The following PTPRM variants were observed in gnomAD, a reference collection of about 807,000 sequenced individuals.
The protein encoded by PTPRM is receptor-type tyrosine-protein phosphatase mu.
A neutral mutation model predicts 186.7 loss-of-function variants in PTPRM; 47 were observed. That is an observed-to-expected ratio of 0.25 (90% CI 0.20 to 0.32). The LOEUF is 0.32. Among genes scored for constraint, PTPRM ranks in the 10% least tolerant of loss-of-function variants. The probability of loss-of-function intolerance (pLI) is 1.00; values close to 1 mark genes in which losing one functional copy is unlikely to be tolerated. For missense variants in PTPRM, 1,494 were observed against 1,865.0 expected, an observed-to-expected ratio of 0.80 and a Z score of 3.66; for synonymous variants, 668 against 674.9, an observed-to-expected ratio of 0.99 and a Z score of 0.16.
chr18:7,911,846 A>ATTTTTTTTTTTTTTTTTTTT (rs57590269), intron 4 of PTPRM, among the ~76,000 whole-genome samples: 1 of 80,680 alleles, frequency 1.2e-5, no homozygotes, highest in East Asian at 5.0e-4. Flanking sequence ...TATGGTTTCA[A>ATTTTTTTTTTTTTTTTTTTT]TTTTTTTTTT....
At chr18:8,317,196 G>T (rs776638788) in intron 21 of PTPRM, among the ~76,000 whole-genome samples, 21 of 152,306 alleles carry the variant, frequency 1.4e-4, no homozygotes, top group Admixed American at 3.3e-4. Flanking sequence ...GGAATCATCA[G>T]AGAGGTGGCA....
chr18:7,788,738 G>A (rs2043203916), intron 2 of PTPRM, among the ~76,000 whole-genome samples: 1 of 152,146 alleles, frequency 6.6e-6, no homozygotes, highest in Admixed American at 6.5e-5. Context: ...ATTCTGTAAG[G>A]CAACATATTT....
At chr18:8,307,779 G>C (rs2095237127) in intron 20 of PTPRM, among the ~76,000 whole-genome samples, 1 of 151,478 alleles carries the variant, frequency 6.6e-6, no homozygotes, top group African/African-American at 2.4e-5. Context: ...ACTCCAGCCT[G>C]GGCAACAAGA....
At chr18:8,026,992 CAAAGAATCTTTTT>C (rs2085612445) in intron 7 of PTPRM, among the ~76,000 whole-genome samples, 1 of 152,102 alleles carries the variant, frequency 6.6e-6, no homozygotes, top group African/African-American at 2.4e-5. Flanking sequence ...TTTCCTCTGT[CAAAGAATCTTTTT>C]AAAATATAGA....
At chr18:7,671,961 G>A (rs369268251) in intron 1 of PTPRM, among the ~76,000 whole-genome samples, 2 of 152,154 alleles carry the variant, frequency 1.3e-5, no homozygotes, top group African/African-American at 2.4e-5. Flanking sequence ...ACTTTTAAAC[G>A]TCGTTTCGTA....
chr18:8,296,302 C>A, intron 19 of PTPRM, 66 bp from the exon 20 acceptor site: 1 of 995,118 alleles, frequency 1.0e-6, no homozygotes, highest in Non-Finnish European at 1.6e-6. Context: ...TAAGAACATC[C>A]TCCATCGTTA....
chr18:7,729,085 A>T (rs1300293444), intron 1 of PTPRM, among the ~76,000 whole-genome samples: 2 of 151,596 alleles, frequency 1.3e-5, no homozygotes, highest in Non-Finnish European at 2.9e-5. Flanking sequence ...TAATTTTTAA[A>T]TTTTTTGTAG....
intron 8 of PTPRM, 47 bp from the exon 9 acceptor site, chr18:8,076,408 T>C: frequency 8.6e-7 from 1 of 1,158,970 alleles, no homozygotes; most frequent in East Asian, 2.4e-5. Flanking sequence ...AATCTACTTT[T>C]TAATTGTTTA....
At chr18:7,586,696 A>G (rs1181829791) in intron 1 of PTPRM, among the ~76,000 whole-genome samples, 1 of 152,170 alleles carries the variant, frequency 6.6e-6, no homozygotes, top group Non-Finnish European at 1.5e-5. Flanking sequence ...TTAAAAACAG[A>G]ATTTTTAAAT....
intron 7 of PTPRM, among the ~76,000 whole-genome samples, chr18:8,067,833 T>C (rs573059262): frequency 6.6e-6 from 1 of 152,342 alleles, no homozygotes; most frequent in East Asian, 1.9e-4. Flanking sequence ...CCCTCTCGTC[T>C]ATAGAATTAG....
intron 14 of PTPRM, among the ~76,000 whole-genome samples, chr18:8,233,134 A>G (rs1796056019): frequency 6.6e-6 from 1 of 152,244 alleles, no homozygotes; most frequent in African/African-American, 2.4e-5. Context: ...TTGATCATAT[A>G]GCCTCCAGTG....
chr18:7,834,528 A>ACACACACACACACT (rs763752808), intron 2 of PTPRM, among the ~76,000 whole-genome samples: 193 of 146,214 alleles, frequency 1.3e-3, no homozygotes, highest in African/African-American at 4.2e-3. Context: ...ACACACACAC[A>ACACACACACACACT]CTTCCAGACT....
intron 14 of PTPRM, among the ~76,000 whole-genome samples, chr18:8,219,324 G>A (rs974855742): frequency 2.0e-5 from 3 of 152,038 alleles, no homozygotes; most frequent in South Asian, 2.1e-4. Context: ...AAAATTAGCC[G>A]GGCGTGGTGG....
intron 5 of PTPRM, among the ~76,000 whole-genome samples, chr18:7,940,270 A>G (rs1555652898): frequency 6.6e-6 from 1 of 152,238 alleles, no homozygotes; most frequent in Non-Finnish European, 1.5e-5. Flanking sequence ...AAGTTAGAGC[A>G]ATAAAAACCA....
intron 1 of PTPRM, among the ~76,000 whole-genome samples, chr18:7,711,550 C>T (rs1226341312): frequency 1.3e-5 from 2 of 152,224 alleles, no homozygotes; most frequent in Admixed American, 1.3e-4. Flanking sequence ...TGGATCCCAC[C>T]TCCACAGAGC....
At chr18:7,682,467 C>T (rs2039501512) in intron 1 of PTPRM, among the ~76,000 whole-genome samples, 1 of 152,178 alleles carries the variant, frequency 6.6e-6, no homozygotes, top group Non-Finnish European at 1.5e-5. Flanking sequence ...CTCATTTCTG[C>T]TCCCTGACTT....
chr18:7,571,964 C>G (rs2036575708), intron 1 of PTPRM, among the ~76,000 whole-genome samples: 1 of 152,034 alleles, frequency 6.6e-6, no homozygotes, highest in Admixed American at 6.6e-5. Context: ...TTTATTTTTT[C>G]TTTTTCAGAT....
intron 1 of PTPRM, among the ~76,000 whole-genome samples, chr18:7,751,759 C>G (rs749331743): frequency 6.6e-6 from 1 of 152,206 alleles, no homozygotes; most frequent in African/African-American, 2.4e-5. Flanking sequence ...TAATATACAT[C>G]TGGTATACAC....
At chr18:8,356,883 C>G (rs1187322224) in intron 23 of PTPRM, among the ~76,000 whole-genome samples, 3 of 152,076 alleles carry the variant, frequency 2.0e-5, no homozygotes, top group Non-Finnish European at 4.4e-5. Flanking sequence ...CTTTTTGCAA[C>G]CTTGGAATGA....
Sources: gnomAD v4.1 joint callset for allele counts (sites outside exome capture counted in the v4.1 genomes callset) on GRCh38, gnomAD v4.1.1 for gene constraint, MANE v1.5 for transcripts, NCBI Gene and HGNC (gene_info 2026-07-23, HGNC 2026-07-21) for gene names.